The following OR51D1 variants were observed in gnomAD, a reference collection of about 807,000 sequenced individuals.
OR51D1 encodes olfactory receptor family 51 subfamily D member 1.
For synonymous variants in OR51D1, 187 were observed against 161.1 expected, an observed-to-expected ratio of 1.16 and a Z score of -1.22; for missense variants, 452 against 396.2, an observed-to-expected ratio of 1.14 and a Z score of -1.20.
At chr11:4,639,271 G>A (rs1039612598) in intron 1 of OR51D1, among the ~76,000 whole-genome samples, 1 of 152,170 alleles carries the variant, frequency 6.6e-6, no homozygotes, top group Non-Finnish European at 1.5e-5. Flanking sequence ...ATCCCAGACT[G>A]AGCCCCTGCT....
In OR51D1 at chr11:4,640,765, A is replaced by G. The variant is rs761194593; in HGVS notation, c.975A>G (p.Ter325TrpextTer17). The G allele has an allele frequency of 2.5e-6, 4 of 1,606,826 alleles. No individual in the cohort carries two copies. Among genetic ancestry groups the G allele is most frequent in the Non-Finnish European group, 3.4e-6 (4 of 1,175,840 alleles). ...VLCMFSQGGK[*>W] ...GTATGTTCTCACAAGGTGGCAAGTG[A>G]GACACCTTAGTGTCTCGCTTCTACT... Residue 325 changes from the stop codon to tryptophan (W), a stop_lost, in exon 2 of 2, where the codon TGA becomes TGG. Coordinates refer to ENST00000641817, the MANE Select transcript of OR51D1 (RefSeq NM_001004751.3).
In OR51D1 at chr11:4,641,747, G is replaced by A. The variant is rs75755464; in HGVS notation, c.*982G>A. 4 of 152,660 alleles carry A rather than the reference G, an allele frequency of 2.6e-5. No individual in the cohort carries two copies. The East Asian group carries it at 5.8e-4, about 22-fold the overall frequency. The allele number at this position is 152,660 out of a possible 1,614,324, so 9.5% of individuals were successfully genotyped here. A position where few individuals can be genotyped will look rare whatever the true frequency, so the allele number is the denominator to read the frequency against. ...TATTGGGATGCCTGTATCTTTCAGC[G>A]TGTTTGGGTGTATGTCCACTGTGCA... is the stretch of plus-strand genomic sequence containing the variant. On this transcript the variant is annotated 3_prime_UTR_variant, in exon 2 of 2. Transcript: ENST00000641817.
At position 4,639,900 on chromosome 11, in the gene OR51D1, A is replaced by G; in HGVS notation, c.110A>G (p.His37Arg). Reference protein sequence around the residue: ...VGIPGLGPTIHFWLAFPLCFM... With the variant: ...VGIPGLGPTIRFWLAFPLCFM... ...ATCCCTGGCCTGGGGCCTACCATAC[A>G]CTTTTGGCTGGCTTTCCCACTGTGT... Residue 37 changes from histidine to arginine, a missense_variant, in exon 2 of 2, where the codon CAC (histidine) becomes CGC (arginine). Physicochemically the swap from His to Arg is conservative, Grantham distance 29. Coordinates refer to ENST00000641817, the MANE Select transcript of OR51D1 (RefSeq NM_001004751.3). The G allele has an allele frequency of 6.2e-7, 1 of 1,614,140 alleles. No homozygotes were observed. Among genetic ancestry groups the G allele is most frequent in the Non-Finnish European group, 8.5e-7 (1 of 1,180,024 alleles).
rs78073574 is a variant in OR51D1 at position 4,641,358 on chromosome 11, T to G, written c.*593T>G. On this transcript the variant is annotated 3_prime_UTR_variant, in exon 2 of 2. Coordinates refer to ENST00000641817, the MANE Select transcript of OR51D1 (RefSeq NM_001004751.3). Reference sequence around the variant, plus strand: ...TGACTATTTGTCCATAAGGGTGCCATGTATTCTGGTTGTGGGTGTGAATGT... The same window carrying G: ...TGACTATTTGTCCATAAGGGTGCCAGGTATTCTGGTTGTGGGTGTGAATGT... 0.059 allele frequency: 9,159 copies of G among 154,368 alleles called. 377 individuals are homozygous for G. Among genetic ancestry groups the G allele is most frequent in the Non-Finnish European group, 0.088 (6,092 of 69,248 alleles). 9.6% of individuals were successfully genotyped at this position (154,368 alleles called of 1,614,324 possible).
At position 4,639,863 on chromosome 11, in the gene OR51D1, C is replaced by T; in HGVS notation, c.73C>T (p.Leu25Phe). ...NGNLVHAAYF[L>F]LVGIPGLGPT... ...AAATCTGGTCCACGCAGCATACTTC[C>T]TTTTGGTGGGTATCCCTGGCCTGGG... The change falls in exon 2 of 2, where the codon CTT becomes TTT. Residue 25 changes from leucine to phenylalanine, a missense_variant. Transcript: ENST00000641817. 2 of 1,614,228 alleles carry T rather than the reference C, an allele frequency of 1.2e-6. No individual in the cohort carries two copies. The highest frequency in any genetic ancestry group is 1.7e-6 in the Non-Finnish European group (2 of 1,180,046).
At position 4,639,110 on chromosome 11, in the gene OR51D1, A is replaced by G. The variant is rs146899543; in HGVS notation, c.-14-667A>G. ...CTGGCGGGGCTTATTGTTTTTTAAA[A>G]AGATTTCCAAAACCTTGCCCTGGCA... On this transcript the variant is annotated intron_variant, in intron 1 of 1. Coordinates refer to ENST00000641817, the MANE Select transcript of OR51D1 (RefSeq NM_001004751.3). Among the ~76,000 whole-genome samples the G allele has an allele frequency of 5.9e-3, 903 of 152,294 alleles. 6 individuals are homozygous for G. The highest frequency in any genetic ancestry group is 0.021 in the African/African-American group (870 of 41,552).
chr11:4,639,946 C>T lies in OR51D1; in HGVS notation c.156C>T (p.Thr52=). The change falls in exon 2 of 2, where the codon ACC becomes ACT. Residue 52 remains threonine (T), a synonymous_variant. Coordinates refer to ENST00000641817, the MANE Select transcript of OR51D1 (RefSeq NM_001004751.3). ...TGTGTTTTATGTATGCCTTGGCCAC[C>T]CTGGGTAACCTGACCATTGTCCTCA... ...FPLCFMYALA[T]LGNLTIVLII... is the part of the protein sequence containing the mutation. 6.2e-7 allele frequency: 1 copy of T among 1,614,156 alleles called. No individual in the cohort carries two copies. Among genetic ancestry groups the T allele is most frequent in the Non-Finnish European group, 8.5e-7 (1 of 1,180,026 alleles).
Position 4,639,799 on chromosome 11 carries a change from G to A in OR51D1, c.9G>A (p.Lys3=), listed in dbSNP as rs1272439571. MQ[K]PQLLVPIIAT... ...TAGACCCTGGATTTTGTATGCAGAAGCCCCAGCTCTTGGTCCCTATCATAG... is the reference window on the plus strand; with the variant it reads ...TAGACCCTGGATTTTGTATGCAGAAACCCCAGCTCTTGGTCCCTATCATAG... Residue 3 remains lysine (K), a synonymous_variant, in exon 2 of 2, where the codon AAG becomes AAA. Transcript: ENST00000641817. 1 of 1,611,494 alleles carries A rather than the reference G, an allele frequency of 6.2e-7. No homozygotes were observed. Among genetic ancestry groups the A allele is most frequent in the Non-Finnish European group, 8.5e-7 (1 of 1,178,150 alleles).
At chr11:4,639,476 AAGATGCAGGACTGTG>A (rs1846934435) in intron 1 of OR51D1, among the ~76,000 whole-genome samples, 2 of 152,176 alleles carry the variant, frequency 1.3e-5, no homozygotes, top group African/African-American at 4.8e-5. Context: ...ATCAGCTCTG[AAGATGCAGGACTGTG>A]TTACATGTTT....
Position 4,640,700 on chromosome 11 carries a change from T to G in OR51D1, c.910T>G (p.Tyr304Asp). ...ACCACCTGTAGTCAACCCCCTTGTC[T>G]ATGGAGCCAAGACCAAAGAGATCTG... is the stretch of plus-strand genomic sequence containing the variant. Reference protein sequence around the residue: ...LLPPVVNPLVYGAKTKEICSR... With the variant: ...LLPPVVNPLVDGAKTKEICSR... Residue 304 changes from tyrosine (Y) to aspartate (D), a missense_variant, in exon 2 of 2, where the codon TAT (tyrosine) becomes GAT (aspartate). Coordinates refer to ENST00000641817, the MANE Select transcript of OR51D1 (RefSeq NM_001004751.3). 1.9e-6 allele frequency: 3 copies of G among 1,613,958 alleles called. No homozygotes were observed. The highest frequency in any genetic ancestry group is 2.5e-6 in the Non-Finnish European group (3 of 1,179,960).
At position 4,640,744 on chromosome 11, in the gene OR51D1, G is replaced by A. The variant is rs1434425902; in HGVS notation, c.954G>A (p.Met318Ile). The change falls in exon 2 of 2, where the codon ATG becomes ATA. Residue 318 changes from methionine (M) to isoleucine (I), a missense_variant. Met to Ile is a conservative substitution (Grantham distance 10). Transcript: ENST00000641817. ...AGATCTGTTCAAGGGTCCTCTGTATGTTCTCACAAGGTGGCAAGTGAGACA... is the reference window on the plus strand; with the variant it reads ...AGATCTGTTCAAGGGTCCTCTGTATATTCTCACAAGGTGGCAAGTGAGACA... ...TKEICSRVLC[M>I]FSQGGK 5 of 1,611,170 alleles carry A rather than the reference G, an allele frequency of 3.1e-6. No homozygotes were observed. Among genetic ancestry groups the A allele is most frequent in the Non-Finnish European group, 4.2e-6 (5 of 1,178,394 alleles).
chr11:4,640,735 C>T lies in OR51D1; in HGVS notation c.945C>T (p.Val315=), dbSNP rs1268465023. 8.7e-6 allele frequency: 14 copies of T among 1,612,322 alleles called. No individual in the cohort carries two copies. The highest frequency in any genetic ancestry group is 3.3e-5 in the Admixed American group (2 of 59,788). The change falls in exon 2 of 2, where the codon GTC becomes GTT. Residue 315 remains valine, a synonymous_variant. Transcript: ENST00000641817. ...AGACCAAAGAGATCTGTTCAAGGGT[C>T]CTCTGTATGTTCTCACAAGGTGGCA... ...GAKTKEICSR[V]LCMFSQGGK is the part of the protein sequence containing the mutation.
rs749655480 is a variant in OR51D1 at position 4,639,899 on chromosome 11, C to G, written c.109C>G (p.His37Asp). ...TATCCCTGGCCTGGGGCCTACCATA[C>G]ACTTTTGGCTGGCTTTCCCACTGTG... ...VGIPGLGPTI[H>D]FWLAFPLCFM... is the part of the protein sequence containing the mutation. Residue 37 changes from histidine to aspartate, a missense_variant, in exon 2 of 2, where the codon CAC becomes GAC. Coordinates refer to ENST00000641817, the MANE Select transcript of OR51D1 (RefSeq NM_001004751.3). The G allele has an allele frequency of 4.3e-6, 7 of 1,614,130 alleles. No homozygotes were observed. In the East Asian group the frequency reaches 6.7e-5, roughly 15 times the overall value.
Position 4,641,707 on chromosome 11 carries a change from G to A in OR51D1, c.*942G>A, listed in dbSNP as rs530613494. On this transcript the variant is annotated 3_prime_UTR_variant, in exon 2 of 2. Coordinates refer to ENST00000641817, the MANE Select transcript of OR51D1 (RefSeq NM_001004751.3). ...AATGTGGTGCATGAATGTGTGGAAT[G>A]TGTGGAATGTGTAGTATTGGGATGC... The A allele has an allele frequency of 6.6e-6, 1 of 152,554 alleles. No individual in the cohort carries two copies. The highest frequency in any genetic ancestry group is 1.5e-5 in the Non-Finnish European group (1 of 68,070). 9.5% of individuals were successfully genotyped at this position (152,554 alleles called of 1,614,324 possible).
At chr11:4,639,485 G>A (rs1846934505) in intron 1 of OR51D1, among the ~76,000 whole-genome samples, 1 of 152,196 alleles carries the variant, frequency 6.6e-6, no homozygotes, top group Non-Finnish European at 1.5e-5. Context: ...GAAGATGCAG[G>A]ACTGTGTTAC....
Position 4,640,020 on chromosome 11 carries a change from C to A in OR51D1, c.230C>A (p.Ala77Asp), listed in dbSNP as rs1846943246. Residue 77 changes from alanine to aspartate, a missense_variant, in exon 2 of 2, where the codon GCC becomes GAC. By Grantham distance (126) the Ala-to-Asp change is moderately radical. Coordinates refer to ENST00000641817, the MANE Select transcript of OR51D1 (RefSeq NM_001004751.3). ...CATGAGCCCATGTACCTCTTCCTGG[C>A]CATGCTTTCCACTATTGACCTAGTC... Reference protein sequence around the residue: ...RLHEPMYLFLAMLSTIDLVLS... With the variant: ...RLHEPMYLFLDMLSTIDLVLS... The A allele has an allele frequency of 6.2e-7, 1 of 1,614,148 alleles. No homozygotes were observed. Among genetic ancestry groups the A allele is most frequent in the East Asian group, 2.2e-5 (1 of 44,880 alleles).
Position 4,640,284 on chromosome 11 carries a change from G to T in OR51D1, c.494G>T (p.Gly165Val), listed in dbSNP as rs115815368. Residue 165 changes from glycine to valine, a missense_variant, in exon 2 of 2, where the codon GGG (glycine) becomes GTG (valine). Coordinates refer to ENST00000641817, the MANE Select transcript of OR51D1 (RefSeq NM_001004751.3). The part of the protein sequence containing the change: ...AKIGLSALTR[G>V]FVFFFPLPFI... Reference sequence around the variant, plus strand: ...ATTGGACTATCTGCCCTGACCAGGGGGTTTGTATTCTTCTTCCCACTGCCC... The same window carrying T: ...ATTGGACTATCTGCCCTGACCAGGGTGTTTGTATTCTTCTTCCCACTGCCC... The T allele has an allele frequency of 1.0e-3, 1,632 of 1,614,162 alleles. 21 individuals are homozygous for T. The African/African-American group carries it at 0.02, about 20-fold the overall frequency.
At position 4,640,350 on chromosome 11, in the gene OR51D1, T is replaced by A; in HGVS notation, c.560T>A (p.Val187Asp). The change falls in exon 2 of 2, where the codon GTC becomes GAC. Residue 187 changes from valine (V) to aspartate (D), a missense_variant. Val to Asp is a radical substitution (Grantham distance 152). Transcript: ENST00000641817. ...KWLSYCQTHT[V>D]THSFCLHQDI... ...TTGTCCTACTGCCAAACACATACTG[T>A]CACACACTCCTTCTGTCTGCACCAA... 1 of 1,614,226 alleles carries A rather than the reference T, an allele frequency of 6.2e-7. No homozygotes were observed. Among genetic ancestry groups the A allele is most frequent in the Non-Finnish European group, 8.5e-7 (1 of 1,180,026 alleles).
chr11:4,639,225 T>C (rs1440782962), intron 1 of OR51D1, among the ~76,000 whole-genome samples: 1 of 152,222 alleles, frequency 6.6e-6, no homozygotes, highest in African/African-American at 2.4e-5. Context: ...TGAGAAATGG[T>C]ATTCAGGCCT....
Sources: gnomAD v4.1 joint callset for allele counts (sites outside exome capture counted in the v4.1 genomes callset) on GRCh38, gnomAD v4.1.1 for gene constraint, MANE v1.5 for transcripts, NCBI Gene and HGNC (gene_info 2026-07-23, HGNC 2026-07-21) for gene names.